Variants in OTOGL observed in about 807,000 individuals in gnomAD.
OTOGL encodes the protein otogelin-like protein.
OTOGL carries 285 observed loss-of-function variants against 318.5 expected under a neutral mutation model. That is an observed-to-expected ratio of 0.89 (90% CI 0.81 to 0.99). OTOGL has a LOEUF of 0.99. Among genes scored for constraint, OTOGL ranks in the 50% least tolerant of loss-of-function variants. The pLI is 0.00. For missense variants in OTOGL, 2,899 were observed against 2,845.6 expected (o/e 1.02, Z -0.43); for synonymous variants, 987 against 936.5 (o/e 1.05, Z -0.99).
Position 80,368,264 on chromosome 12 carries a change from A to G in OTOGL, c.6570A>G (p.Val2190=). 1.2e-6 allele frequency: 2 copies of G among 1,602,770 alleles called. No individual in the cohort carries two copies. Among genetic ancestry groups the G allele is most frequent in the East Asian group, 2.2e-5 (1 of 44,590 alleles). Residue 2190 remains valine (V), a synonymous_variant, in exon 55 of 59, where the codon GTA becomes GTG. Transcript: ENST00000547103. ...DYGCCGTCKN[V]SCKFHMENGT... is the part of the protein sequence containing the mutation. ...GTTGTTGTGGTACCTGCAAAAATGTATCCTGCAAATTTCACATGGAAAATG... is the reference window on the plus strand; with the variant it reads ...GTTGTTGTGGTACCTGCAAAAATGTGTCCTGCAAATTTCACATGGAAAATG...
intron 26 of OTOGL, among the ~76,000 whole-genome samples, chr12:80,295,470 T>C (rs1452341465): frequency 2.0e-5 from 3 of 152,166 alleles, no homozygotes; most frequent in African/African-American, 7.2e-5. Flanking sequence ...AGCCACCGCG[T>C]CTGGCCTATG....
chr12:80,267,759 G>T (rs1565942809), intron 22 of OTOGL, among the ~76,000 whole-genome samples: 1 of 151,678 alleles, frequency 6.6e-6, no homozygotes, highest in Admixed American at 6.6e-5. Flanking sequence ...TCATGTGATT[G>T]TATATATATG....
Position 80,302,678 on chromosome 12 carries a change from T to G in OTOGL, c.3108T>G (p.Leu1036=). Residue 1036 remains leucine (L), a synonymous_variant, in exon 28 of 59, where the codon CTT becomes CTG. Coordinates refer to ENST00000547103, the MANE Select transcript of OTOGL (RefSeq NM_001378609.3). The stretch of plus-strand genomic sequence containing the variant: ...TGGAAAACAAATCTACCTACCAGCT[T>G]TGGAAGGCTGGTTACTATATAGTAG... ...FFLENKSTYQ[L]WKAGYYIVVY... is the part of the protein sequence containing the mutation. The G allele has an allele frequency of 1.4e-6, 2 of 1,426,936 alleles. No individual in the cohort carries two copies. The highest frequency in any genetic ancestry group is 3.2e-5 in the South Asian group (2 of 62,336). The allele number at this position is 1,426,936 out of a possible 1,614,324, so 88.4% of individuals were successfully genotyped here.
In OTOGL at chr12:80,269,143, G is replaced by A. The variant is rs533308297; in HGVS notation, c.2466-959G>A. On this transcript the variant is annotated intron_variant, in intron 22 of 58. Transcript: ENST00000547103. ...AATCACACCTCTGAGTGTTATTCTA[G>A]TGTTCAACTATGCATTGCATATTTT... 1.5e-3 allele frequency among the ~76,000 whole-genome samples: 226 copies of A among 152,182 alleles called. 1 individual carries two copies. Among genetic ancestry groups the A allele is most frequent in the African/African-American group, 4.9e-3 (202 of 41,532 alleles).
chr12:80,292,598 C>T (rs986491062), intron 26 of OTOGL, among the ~76,000 whole-genome samples: 5 of 152,276 alleles, frequency 3.3e-5, no homozygotes, highest in Non-Finnish European at 5.9e-5. Flanking sequence ...TTATAAAGTG[C>T]TTTTTGAGAA....
chr12:80,179,336 A>G (rs892370176), intron 1 of OTOGL, among the ~76,000 whole-genome samples: 1 of 152,230 alleles, frequency 6.6e-6, no homozygotes, highest in Non-Finnish European at 1.5e-5. Context: ...AAAATGGGCC[A>G]TGCTTCATTA....
chr12:80,264,930 G>A (rs1007816747), intron 19 of OTOGL, 71 bp from the exon 20 acceptor site: 20 of 1,455,602 alleles, frequency 1.4e-5, no homozygotes, highest in South Asian at 1.3e-4. Flanking sequence ...TTCTAAGAAC[G>A]TGAAATGCTT....
At chr12:80,124,515 A>G (rs1397327148) in intron 1 of OTOGL, among the ~76,000 whole-genome samples, 6 of 152,124 alleles carry the variant, frequency 3.9e-5, no homozygotes, top group African/African-American at 1.4e-4. Context: ...TGACTTGGTG[A>G]TGTGGGCTCT....
chr12:80,217,735 G>T, intron 5 of OTOGL, 71 bp downstream of exon 5: 1 of 1,161,076 alleles, frequency 8.6e-7, no homozygotes, highest in East Asian at 2.6e-5. Flanking sequence ...ATTGAATCAA[G>T]TATTTATTGT....
At chr12:80,195,338 G>A (rs1875983980) in intron 1 of OTOGL, among the ~76,000 whole-genome samples, 1 of 152,140 alleles carries the variant, frequency 6.6e-6, no homozygotes, top group South Asian at 2.1e-4. Flanking sequence ...AGCCAGCAGA[G>A]GGCTTTTCTG....
At chr12:80,336,182 T>TTTA in intron 39 of OTOGL, 42 bp downstream of exon 39, 1 of 1,515,324 alleles carries the variant, frequency 6.6e-7, no homozygotes, top group Non-Finnish European at 8.8e-7. Context: ...TTTTTTTTTT[T>TTTA]TTAATCTGGA....
At chr12:80,272,324 C>T (rs867780723) in intron 24 of OTOGL, among the ~76,000 whole-genome samples, 3 of 149,262 alleles carry the variant, frequency 2.0e-5, no homozygotes, top group Non-Finnish European at 3.0e-5. Context: ...TCTTTTTAAG[C>T]CTCAATTAGG....
intron 7 of OTOGL, among the ~76,000 whole-genome samples, chr12:80,223,592 A>G (rs184814264): frequency 6.6e-6 from 1 of 152,070 alleles, no homozygotes; most frequent in Non-Finnish European, 1.5e-5. Context: ...ACCAACATCT[A>G]TTATTTTTTG....
At chr12:80,257,703 C>T in intron 17 of OTOGL, 122 bp from the exon 18 acceptor site, 2 of 1,012,914 alleles carry the variant, frequency 2.0e-6, no homozygotes, top group South Asian at 1.9e-5. Context: ...AGACAGGAAC[C>T]ACTAGCCTGC....
chr12:80,353,970 G>T (rs1281543913), intron 46 of OTOGL, among the ~76,000 whole-genome samples: 2 of 152,178 alleles, frequency 1.3e-5, no homozygotes, highest in African/African-American at 2.4e-5. Context: ...AGAAATGGCA[G>T]ATGGTACTAT....
chr12:80,174,659 A>T (rs1426827490), intron 1 of OTOGL, among the ~76,000 whole-genome samples: 1 of 152,136 alleles, frequency 6.6e-6, no homozygotes, highest in East Asian at 1.9e-4. Context: ...TTATTGCTTT[A>T]TTTTATGTAT....
intron 1 of OTOGL, among the ~76,000 whole-genome samples, chr12:80,156,776 CCT>C (rs1371218950): frequency 6.6e-6 from 1 of 152,114 alleles, no homozygotes; most frequent in African/African-American, 2.4e-5. Flanking sequence ...GTCCAATAAA[CCT>C]CTTTTTTTCT....
chr12:80,349,563 T>G (rs1003441134), intron 44 of OTOGL, among the ~76,000 whole-genome samples: 1 of 152,064 alleles, frequency 6.6e-6, no homozygotes, highest in African/African-American at 2.4e-5. Flanking sequence ...ACCTTTGAAG[T>G]TCAAGGAGAG....
intron 1 of OTOGL, among the ~76,000 whole-genome samples, chr12:80,160,401 A>G (rs1873428040): frequency 6.6e-6 from 1 of 152,170 alleles, no homozygotes; most frequent in African/African-American, 2.4e-5. Context: ...CAAGAAAAAA[A>G]CAATCCCATC....
Sources: gnomAD v4.1 joint callset for allele counts (sites outside exome capture counted in the v4.1 genomes callset) on GRCh38, gnomAD v4.1.1 for gene constraint, MANE v1.5 for transcripts, NCBI Gene and HGNC (gene_info 2026-07-23, HGNC 2026-07-21) for gene names.